Variants in GBE1 observed in about 807,000 individuals in gnomAD.
The protein encoded by GBE1 is 1,4-alpha-glucan branching enzyme 1, also known as 1,4-alpha-glucan-branching enzyme.
In GBE1, 70 loss-of-function variants were observed where a neutral mutation model predicts 88.8. That is an observed-to-expected ratio of 0.79 (90% CI 0.65 to 0.96). GBE1 has a LOEUF of 0.96. GBE1 is among the 40% of genes least tolerant of loss of function. The pLI is 0.00. For synonymous variants in GBE1, 284 were observed against 300.1 expected, an observed-to-expected ratio of 0.95 and a Z score of 0.56; for missense variants, 872 against 871.0, an observed-to-expected ratio of 1.00 and a Z score of -0.01.
rs1238444586 is a variant in GBE1 at position 81,541,457 on chromosome 3, CCG to C, written c.1619-4364_1619-4363del. Among the ~76,000 whole-genome samples, 5 of 151,210 alleles carry C rather than the reference CCG, an allele frequency of 3.3e-5. 1 individual carries two copies. The highest frequency in any genetic ancestry group is 1.2e-4 in the African/African-American group (5 of 41,096). On this transcript the variant is annotated intron_variant, in intron 12 of 15. Coordinates refer to ENST00000429644, the MANE Select transcript of GBE1 (RefSeq NM_000158.4). ...GGTGATGGGCTGCAAGTTGCCCCCC[CCG>C]CCACCTCGCCCAAATTCATATGTTG...
In GBE1 at chr3:81,650,014, A is replaced by G. The variant is rs1704822615; in HGVS notation, c.430-93T>C. 18 of 953,542 alleles carry G rather than the reference A, an allele frequency of 1.9e-5. No individual in the cohort carries two copies. The South Asian group carries it at 2.7e-4, about 14-fold the overall frequency. The allele number at this position is 953,542 out of a possible 1,614,324, so 59.1% of individuals were successfully genotyped here. ...GGAGCACTGCTACAAGTAGGAAAGG[A>G]GGACTGATCTTAAGAATCTAGACCA... On this transcript the variant is annotated intron_variant, in intron 3 of 15. Coordinates refer to ENST00000429644, the MANE Select transcript of GBE1 (RefSeq NM_000158.4).
intron 12 of GBE1, among the ~76,000 whole-genome samples, chr3:81,574,457 A>G (rs1398346928): frequency 1.3e-5 from 2 of 152,206 alleles, no homozygotes; most frequent in African/African-American, 2.4e-5. Context: ...TAGTTGATGC[A>G]TCTTACCCAG....
At chr3:81,658,564 C>T (rs892345531) in intron 3 of GBE1, among the ~76,000 whole-genome samples, 1 of 152,146 alleles carries the variant, frequency 6.6e-6, no homozygotes, top group Non-Finnish European at 1.5e-5. Flanking sequence ...GAAGCTTCTG[C>T]ACCTATAAAA....
chr3:81,527,346 C>T (rs1183170743), intron 14 of GBE1, among the ~76,000 whole-genome samples: 2 of 151,998 alleles, frequency 1.3e-5, no homozygotes, highest in South Asian at 2.1e-4. Context: ...AAAGCAATGG[C>T]AACAAAAGCC....
chr3:81,541,454 C>CA (rs1703142163), intron 12 of GBE1, among the ~76,000 whole-genome samples: 4 of 151,030 alleles, frequency 2.6e-5, no homozygotes, highest in Admixed American at 6.6e-5. Context: ...CAAGTTGCCC[C>CA]CCCCGCCACC....
At chr3:81,526,449 C>T (rs1255966545) in intron 14 of GBE1, among the ~76,000 whole-genome samples, 1 of 152,076 alleles carries the variant, frequency 6.6e-6, no homozygotes, top group Non-Finnish European at 1.5e-5. Flanking sequence ...TTGCAGATGA[C>T]ATGATTGTAT....
Position 81,515,399 on chromosome 3 carries a change from G to A in GBE1, c.1935-16172C>T, listed in dbSNP as rs1427343204. 2.0e-5 allele frequency among the ~76,000 whole-genome samples: 3 copies of A among 151,002 alleles called. No individual in the cohort carries two copies. The Admixed American group carries it at 2.0e-4, about 10-fold the overall frequency. The stretch of plus-strand genomic sequence containing the variant: ...CTTGTTACTATTGTAATTGTTTTGG[G>A]GCACCACAAATCATGCACATATGCA... On this transcript the variant is annotated intron_variant, in intron 14 of 15. Coordinates refer to ENST00000429644, the MANE Select transcript of GBE1 (RefSeq NM_000158.4).
At chr3:81,548,471 G>A (rs997928408) in intron 12 of GBE1, among the ~76,000 whole-genome samples, 3 of 151,372 alleles carry the variant, frequency 2.0e-5, no homozygotes, top group Non-Finnish European at 4.4e-5. Flanking sequence ...TTGTTGGTAT[G>A]TGTTCCAAAA....
chr3:81,745,418 T>C (rs1460347942), intron 1 of GBE1, among the ~76,000 whole-genome samples: 1 of 152,152 alleles, frequency 6.6e-6, no homozygotes, highest in Admixed American at 6.5e-5. Context: ...TGGGACTACC[T>C]ACTACTGAAA....
At chr3:81,738,645 C>A (rs1390545265) in intron 1 of GBE1, among the ~76,000 whole-genome samples, 1 of 152,014 alleles carries the variant, frequency 6.6e-6, no homozygotes, top group African/African-American at 2.4e-5. Flanking sequence ...AAATTCCATA[C>A]CCTGGAATGT....
rs28763906 is a variant in GBE1, at chr3:81,761,494, C to A, written c.24G>T (p.Ala8=). ...CCGCCTCGTAGTCCTCGGGCCGAGC[C>A]GCGGGAGTCATCGGAGCCGCCATAT... MAAPMTP[A]ARPEDYEAAL... Residue 8 remains alanine, a synonymous_variant, in exon 1 of 16, where the codon GCG becomes GCT. Transcript: ENST00000429644. 6.2e-7 allele frequency: 1 copy of A among 1,607,796 alleles called. No individual in the cohort carries two copies. Among genetic ancestry groups the A allele is most frequent in the African/African-American group, 1.3e-5 (1 of 74,810 alleles).
intron 12 of GBE1, among the ~76,000 whole-genome samples, chr3:81,546,848 C>T (rs1045668421): frequency 2.0e-5 from 3 of 151,322 alleles, no homozygotes; most frequent in Non-Finnish European, 1.5e-5. Flanking sequence ...TTTCACTTTA[C>T]TCTATGGACT....
At chr3:81,578,727 C>T (rs1309583004) in intron 11 of GBE1, among the ~76,000 whole-genome samples, 3 of 151,744 alleles carry the variant, frequency 2.0e-5, no homozygotes. Flanking sequence ...CTCAGAAATG[C>T]CCTGAGTAAC....
intron 1 of GBE1, among the ~76,000 whole-genome samples, chr3:81,717,043 C>A (rs1490180181): frequency 6.6e-6 from 1 of 152,196 alleles, no homozygotes; most frequent in Non-Finnish European, 1.5e-5. Flanking sequence ...ATCAGCCACT[C>A]TCTTTCCAGT....
intron 2 of GBE1, among the ~76,000 whole-genome samples, chr3:81,683,362 A>C (rs1355966723): frequency 6.6e-5 from 10 of 152,214 alleles, no homozygotes; most frequent in Non-Finnish European, 1.3e-4. Context: ...AGATACCGTA[A>C]AGGAAAAGAC....
intron 2 of GBE1, among the ~76,000 whole-genome samples, chr3:81,695,725 G>A (rs1705581292): frequency 6.6e-6 from 1 of 152,144 alleles, no homozygotes; most frequent in Admixed American, 6.5e-5. Context: ...AGTATTAACA[G>A]GCCTTCAAGA....
intron 7 of GBE1, among the ~76,000 whole-genome samples, chr3:81,640,278 G>C (rs1023686797): frequency 6.6e-6 from 1 of 151,954 alleles, no homozygotes; most frequent in Non-Finnish European, 1.5e-5. Flanking sequence ...CCTCAGTCTC[G>C]GTGGGCACCA....
rs566867997 is a variant in GBE1 at position 81,761,644 on chromosome 3, C to G, written c.-127G>C. 103 of 1,197,664 alleles carry G rather than the reference C, an allele frequency of 8.6e-5. No individual in the cohort carries two copies. In the South Asian group the frequency reaches 1.4e-3, roughly 17 times the overall value. The allele number at this position is 1,197,664 out of a possible 1,614,324, so 74.2% of individuals were successfully genotyped here. On this transcript the variant is annotated 5_prime_UTR_variant, in exon 1 of 16. Transcript: ENST00000429644. The stretch of plus-strand genomic sequence containing the variant: ...GGCGCCTAGGCGTGTCGAGGCAAGC[C>G]GAGGCGAGCCGCGGCGGTCCGGGGC...
intron 9 of GBE1, 141 bp from the exon 10 acceptor site, chr3:81,586,331 G>A: frequency 1.7e-6 from 1 of 573,058 alleles, no homozygotes; most frequent in Admixed American, 3.9e-5. Context: ...ATAAAATTGT[G>A]ATAGCATATC....
Sources: allele counts gnomAD v4.1 joint callset (sites outside exome capture counted in the v4.1 genomes callset), GRCh38; gene constraint gnomAD v4.1.1; transcripts MANE v1.5; gene names NCBI Gene and HGNC (gene_info 2026-07-23, HGNC 2026-07-21).